Variants in C19orf47 observed in about 807,000 individuals in gnomAD.
The protein encoded by C19orf47 is chromosome 19 open reading frame 47.
Under a neutral mutation model 32.3 loss-of-function variants are expected in C19orf47, and 18 were observed. The ratio of observed to expected loss-of-function variants is 0.56; its 90% CI spans 0.39 to 0.83. The LOEUF is 0.83. Among genes scored for constraint, C19orf47 ranks in the 40% least tolerant of loss-of-function variants. The pLI, the probability that C19orf47 is intolerant of heterozygous loss-of-function variation, is 0.00. For missense variants in C19orf47, 484 were observed against 531.6 expected, an observed-to-expected ratio of 0.91 and a Z score of 0.88; for synonymous variants, 202 against 211.1, an observed-to-expected ratio of 0.96 and a Z score of 0.37.
the C19orf47 span, among the ~76,000 whole-genome samples, chr19:40,294,249 T>G: frequency 6.6e-6 from 1 of 152,200 alleles, no homozygotes; most frequent in Non-Finnish European, 1.5e-5. Context: ...GACCAAACAC[T>G]GGCCACAGAT....
chr19:40,319,775 A>T lies in C19orf47; in HGVS notation c.*2107T>A, dbSNP rs529156454. 1 of 153,614 alleles carries T rather than the reference A, an allele frequency of 6.5e-6. No individual in the cohort carries two copies. The highest frequency in any genetic ancestry group is 1.5e-5 in the Non-Finnish European group (1 of 68,074). 9.5% of individuals were successfully genotyped at this position (153,614 alleles called of 1,614,324 possible). ...CTGGTCTCGAACTCCTGACCTTGTG[A>T]TCCACCCGCCTTGGCCTCCCAAACT... On this transcript the variant is annotated 3_prime_UTR_variant, in exon 9 of 9. Coordinates refer to ENST00000683109, the MANE Select transcript of C19orf47 (RefSeq NM_001256441.2).
intron 5 of C19orf47, among the ~76,000 whole-genome samples, chr19:40,329,387 T>C (rs2077901497): frequency 6.6e-6 from 1 of 151,848 alleles, no homozygotes; most frequent in Admixed American, 6.6e-5. Context: ...GTGCCTGTAG[T>C]CCCAGATACT....
At chr19:40,345,536 TAAAA>T (rs55954294) in intron 1 of C19orf47, among the ~76,000 whole-genome samples, 4,480 of 110,798 alleles carry the variant, frequency 0.04, 133 homozygotes, top group African/African-American at 0.079. Flanking sequence ...CTGTCACTGT[TAAAA>T]AAAAAAAAAA....
At chr19:40,328,344 ACC>A (rs1196182640) in intron 6 of C19orf47, 67 bp downstream of exon 6, 2 of 1,576,588 alleles carry the variant, frequency 1.3e-6, no homozygotes, top group Admixed American at 3.9e-5. Context: ...TGGAAGCATG[ACC>A]CCCAACACCT....
chr19:40,325,837 G>T (rs1309355333), intron 7 of C19orf47, among the ~76,000 whole-genome samples: 1 of 152,112 alleles, frequency 6.6e-6, no homozygotes. Context: ...AATAGAGATA[G>T]GGGCTCACTA....
intron 1 of C19orf47, among the ~76,000 whole-genome samples, chr19:40,346,303 C>A (rs1600225697): frequency 6.7e-6 from 1 of 149,388 alleles, no homozygotes; most frequent in South Asian, 2.1e-4. Flanking sequence ...ATTAGCCAGG[C>A]GTGGTGGTGG....
At chr19:40,293,638 C>T in the C19orf47 span, among the ~76,000 whole-genome samples, 8 of 150,724 alleles carry the variant, frequency 5.3e-5, no homozygotes, top group Non-Finnish European at 1.0e-4. Flanking sequence ...GCTAATTTTT[C>T]TATTTTTAGT....
At chr19:40,335,529 T>C (rs1394076752) in intron 4 of C19orf47, among the ~76,000 whole-genome samples, 2 of 152,058 alleles carry the variant, frequency 1.3e-5, no homozygotes, top group African/African-American at 4.8e-5. Flanking sequence ...GAGGATGGCC[T>C]GAGCCCAGGA....
rs1394250942 is a variant in C19orf47 at position 40,322,245 on chromosome 19, T to C, written c.795A>G (p.Pro265=). 1.2e-6 allele frequency: 2 copies of C among 1,609,096 alleles called. No individual in the cohort carries two copies. The highest frequency in any genetic ancestry group is 8.5e-7 in the Non-Finnish European group (1 of 1,179,986). The change falls in exon 9 of 9, where the codon CCA becomes CCG. Residue 265 remains proline, a synonymous_variant. Coordinates refer to ENST00000683109, the MANE Select transcript of C19orf47 (RefSeq NM_001256441.2). The stretch of plus-strand genomic sequence containing the variant: ...GTGCTGGCTGGGGACTGGCCTTGGC[T>C]GGGCCCCGTCCTAGCTTCTTCAGGA... ...AGVLKKLGRG[P]AKASPQPALT...
rs1205499391 is a variant in C19orf47 at position 40,321,447 on chromosome 19, G to A, written c.*435C>T. 3.8e-5 allele frequency: 38 copies of A among 1,006,612 alleles called. No individual in the cohort carries two copies. The highest frequency in any genetic ancestry group is 1.1e-4 in the East Asian group (1 of 9,408). The allele number at this position is 1,006,612 out of a possible 1,614,324, so 62.4% of individuals were successfully genotyped here. A position where few individuals can be genotyped will look rare whatever the true frequency, so the allele number is the denominator to read the frequency against. On this transcript the variant is annotated 3_prime_UTR_variant, in exon 9 of 9. Transcript: ENST00000683109. ...TGGGGGGAGGCGCAGAGGAGTGAGG[G>A]AGGTCAGTGGGGAGTGGGGGAAGGG...
chr19:40,319,025 A>G (rs528114378), downstream of C19orf47, among the ~76,000 whole-genome samples: 3 of 152,274 alleles, frequency 2.0e-5, no homozygotes, highest in Non-Finnish European at 4.4e-5. Flanking sequence ...TAATCCCAGC[A>G]CTTTGGGAGG....
At chr19:40,304,441 C>G in the C19orf47 span, among the ~76,000 whole-genome samples, 4 of 152,122 alleles carry the variant, frequency 2.6e-5, no homozygotes, top group African/African-American at 9.7e-5. Context: ...GCTCAGATCA[C>G]AGGAGATGAG....
intron 1 of C19orf47, among the ~76,000 whole-genome samples, chr19:40,347,761 C>T (rs1174648788): frequency 6.6e-6 from 1 of 152,116 alleles, no homozygotes; most frequent in African/African-American, 2.4e-5. Flanking sequence ...CTGGAATTCC[C>T]AGCTACACCA....
intron 4 of C19orf47, 102 bp from the exon 5 acceptor site, chr19:40,334,031 G>C: frequency 1.2e-6 from 1 of 809,318 alleles, no homozygotes; most frequent in Admixed American, 3.2e-5. Flanking sequence ...TGCTAGAGAA[G>C]ATTCTAACAC....
chr19:40,318,363 C>A (rs1328787761), downstream of C19orf47, among the ~76,000 whole-genome samples: 1 of 152,214 alleles, frequency 6.6e-6, no homozygotes, highest in Non-Finnish European at 1.5e-5. Flanking sequence ...TAACTCCCCT[C>A]TCTGTGCCTC....
chr19:40,325,790 G>A (rs1174593624), intron 7 of C19orf47, among the ~76,000 whole-genome samples: 1 of 152,204 alleles, frequency 6.6e-6, no homozygotes. Flanking sequence ...TGAAAGTGCT[G>A]GAGTTACAGG....
At chr19:40,302,078 T>C in the C19orf47 span, among the ~76,000 whole-genome samples, 186 of 151,816 alleles carry the variant, frequency 1.2e-3, 1 homozygote, top group Middle Eastern at 0.01. Context: ...GGAGAATCGC[T>C]TGAACCCGGG....
At chr19:40,326,589 G>A (rs2077835795) in intron 6 of C19orf47, 103 bp from the exon 7 acceptor site, 4 of 1,382,154 alleles carry the variant, frequency 2.9e-6, no homozygotes, top group Non-Finnish European at 3.9e-6. Context: ...ATTCATGACT[G>A]GAATCCCTTA....
intron 4 of C19orf47, among the ~76,000 whole-genome samples, chr19:40,334,454 T>C (rs948306816): frequency 4.7e-5 from 7 of 148,626 alleles, no homozygotes; most frequent in Admixed American, 1.3e-4. Flanking sequence ...GTCTCCAAAA[T>C]AGGTGAAAGA....
Sources: gnomAD v4.1 joint callset for allele counts (sites outside exome capture counted in the v4.1 genomes callset) on GRCh38, gnomAD v4.1.1 for gene constraint, MANE v1.5 for transcripts, NCBI Gene and HGNC (gene_info 2026-07-23, HGNC 2026-07-21) for gene names.